Variants in SPECC1L observed in about 807,000 individuals in gnomAD.
The protein encoded by SPECC1L is cytospin-A.
In SPECC1L, 40 loss-of-function variants were observed where a neutral mutation model predicts 116.8. That is an observed-to-expected ratio of 0.34 (90% CI 0.27 to 0.45). The LOEUF is 0.45. Ranked by LOEUF, SPECC1L falls within the 20% of genes least tolerant of loss-of-function variation. The pLI is 1.00. For missense variants in SPECC1L, 1,110 were observed against 1,373.6 expected (o/e 0.81, Z 3.03); for synonymous variants, 504 against 500.6 (o/e 1.01, Z -0.09).
intron 15 of SPECC1L, 154 bp from the exon 16 acceptor site, chr22:24,412,494 A>T (rs1601374661): frequency 1.4e-6 from 1 of 734,758 alleles, no homozygotes; most frequent in East Asian, 2.7e-5. Context: ...CTTGGTGCAG[A>T]TGCAGAAGCT....
chr22:24,278,056 T>C (rs2048871182), intron 2 of SPECC1L, among the ~76,000 whole-genome samples: 1 of 152,120 alleles, frequency 6.6e-6, no homozygotes, highest in Admixed American at 6.6e-5. Context: ...GGGTATACTT[T>C]TTAAAAAGTG....
intron 10 of SPECC1L, among the ~76,000 whole-genome samples, chr22:24,345,703 A>C (rs1347616091): frequency 6.6e-6 from 1 of 152,234 alleles, no homozygotes; most frequent in African/African-American, 2.4e-5. Flanking sequence ...TTAAATCCAC[A>C]ATGAGATCCT....
intron 6 of SPECC1L, among the ~76,000 whole-genome samples, chr22:24,325,958 T>C (rs536231217): frequency 6.6e-6 from 1 of 152,170 alleles, no homozygotes; most frequent in African/African-American, 2.4e-5. Flanking sequence ...TTTTGCTGTT[T>C]GTTTGCTTTT....
At chr22:24,411,468 C>T in intron 14 of SPECC1L, 120 bp from the exon 15 acceptor site, 3 of 892,008 alleles carry the variant, frequency 3.4e-6, no homozygotes, top group Non-Finnish European at 5.6e-6. Flanking sequence ...CCGCCCTGCC[C>T]TGGTTTTGGT....
chr22:24,322,952 G>T lies in SPECC1L; in HGVS notation c.1938+34G>T, dbSNP rs745575060. On this transcript the variant is annotated intron_variant, in intron 5 of 16. Transcript: ENST00000314328. ...TAAATAGATTAAAATGTTCCGGACA[G>T]CATTAGGCAGCTGCCATGCACAGTG... 18 of 1,611,898 alleles carry T rather than the reference G, an allele frequency of 1.1e-5. No individual in the cohort carries two copies. The South Asian group carries it at 1.9e-4, about 17-fold the overall frequency.
intron 4 of SPECC1L, among the ~76,000 whole-genome samples, chr22:24,315,327 T>C (rs2040538893): frequency 6.6e-6 from 1 of 152,268 alleles, no homozygotes; most frequent in Admixed American, 6.5e-5. Flanking sequence ...GATTTCATTT[T>C]ATCCTCACCT....
chr22:24,316,087 C>T (rs1317548155), intron 4 of SPECC1L, among the ~76,000 whole-genome samples: 2 of 152,206 alleles, frequency 1.3e-5, no homozygotes, highest in Non-Finnish European at 2.9e-5. Flanking sequence ...ACAGTTCAGC[C>T]TATAACAACA....
At chr22:24,315,438 A>T (rs907717351) in intron 4 of SPECC1L, among the ~76,000 whole-genome samples, 2 of 152,224 alleles carry the variant, frequency 1.3e-5, no homozygotes, top group South Asian at 2.1e-4. Context: ...TTTATTGGGG[A>T]TCTGTTTTGA....
At chr22:24,380,217 C>A (rs929410127) in intron 14 of SPECC1L, among the ~76,000 whole-genome samples, 1 of 152,186 alleles carries the variant, frequency 6.6e-6, no homozygotes, top group African/African-American at 2.4e-5. Context: ...TAATAGTGTT[C>A]TTAATTTGTC....
chr22:24,309,980 T>TA (rs757075478), intron 3 of SPECC1L, among the ~76,000 whole-genome samples: 2 of 152,216 alleles, frequency 1.3e-5, no homozygotes, highest in Non-Finnish European at 2.9e-5. Flanking sequence ...TGTTCCCTCT[T>TA]ACGCAGTTCC....
intron 11 of SPECC1L, among the ~76,000 whole-genome samples, chr22:24,357,630 A>C (rs553654584): frequency 6.6e-6 from 1 of 152,234 alleles, no homozygotes; most frequent in East Asian, 1.9e-4. Context: ...TCTTCTACTT[A>C]GGTCTTTAAA....
At chr22:24,283,125 CT>C (rs2048977236) in intron 2 of SPECC1L, among the ~76,000 whole-genome samples, 2 of 151,330 alleles carry the variant, frequency 1.3e-5, no homozygotes, top group Admixed American at 1.3e-4. Flanking sequence ...GCTGCCCAGG[CT>C]GGAGTGCAGT....
intron 4 of SPECC1L, 60 bp from the exon 5 acceptor site, chr22:24,321,228 T>C: frequency 6.3e-7 from 1 of 1,589,884 alleles, no homozygotes. Flanking sequence ...GAACTGTGTA[T>C]TCTATGTAGC....
chr22:24,350,262 A>T (rs943315862), intron 11 of SPECC1L, among the ~76,000 whole-genome samples: 2 of 152,004 alleles, frequency 1.3e-5, no homozygotes, highest in African/African-American at 4.8e-5. Context: ...GTCCCATTCT[A>T]ACATCCCATA....
chr22:24,382,500 C>G (rs1205515571), intron 14 of SPECC1L, among the ~76,000 whole-genome samples: 1 of 151,918 alleles, frequency 6.6e-6, no homozygotes, highest in Non-Finnish European at 1.5e-5. Context: ...GTCAGGAGAT[C>G]GAGACCATCC....
intron 2 of SPECC1L, among the ~76,000 whole-genome samples, chr22:24,281,974 C>T (rs557213678): frequency 1.3e-5 from 2 of 152,182 alleles, no homozygotes; most frequent in Non-Finnish European, 2.9e-5. Flanking sequence ...ATCAGTCTCC[C>T]TGAGCATTTG....
In SPECC1L at chr22:24,330,253, T is replaced by C. The variant is rs1409978406; in HGVS notation, c.2221-3T>C. On this transcript the variant is annotated splice_polypyrimidine_tract_variant and splice_region_variant and intron_variant, in intron 7 of 16. Coordinates refer to ENST00000314328, the MANE Select transcript of SPECC1L (RefSeq NM_015330.6). ...GAAATAAAAAGTTAGTTTTTTAATA[T>C]AGGAAGAATCTGCGGAATGGCGGCA... 6.2e-6 allele frequency: 10 copies of C among 1,613,672 alleles called. No individual in the cohort carries two copies. Among genetic ancestry groups the C allele is most frequent in the African/African-American group, 5.3e-5 (4 of 74,890 alleles).
chr22:24,313,538 A>G (rs1203822881), intron 4 of SPECC1L, 72 bp downstream of exon 4: 1 of 1,554,238 alleles, frequency 6.4e-7, no homozygotes, highest in East Asian at 2.2e-5. Context: ...TGGTGTTTAC[A>G]GTGTTCCATC....
intron 14 of SPECC1L, among the ~76,000 whole-genome samples, chr22:24,380,588 A>G (rs571710397): frequency 2.0e-5 from 3 of 152,346 alleles, no homozygotes; most frequent in African/African-American, 7.2e-5. Context: ...TTCATTAAGC[A>G]TCCATTACAA....
Sources: allele counts gnomAD v4.1 joint callset (sites outside exome capture counted in the v4.1 genomes callset), GRCh38; gene constraint gnomAD v4.1.1; transcripts MANE v1.5; gene names NCBI Gene and HGNC (gene_info 2026-07-23, HGNC 2026-07-21).